Variants in PCDHGA1 observed in about 807,000 individuals in gnomAD.
PCDHGA1 encodes the protein protocadherin gamma-A1.
In PCDHGA1, 32 loss-of-function variants were observed where a neutral mutation model predicts 58.0. The observed-to-expected ratio is 0.55, with a 90% CI of 0.42 to 0.74. PCDHGA1 has a LOEUF of 0.74. Among genes scored for constraint, PCDHGA1 ranks in the 30% least tolerant of loss-of-function variants. The pLI is 0.00. For synonymous variants in PCDHGA1, 498 were observed against 501.1 expected, an observed-to-expected ratio of 0.99 and a Z score of 0.08; for missense variants, 1,205 against 1,182.3, an observed-to-expected ratio of 1.02 and a Z score of -0.28.
At chr5:141,346,685 G>A (rs980687326) in intron 1 of PCDHGA1, among the ~76,000 whole-genome samples, 8 of 152,170 alleles carry the variant, frequency 5.3e-5, no homozygotes, top group Admixed American at 1.3e-4. Context: ...TGAAAGTAAA[G>A]TGTCACTTCC....
In PCDHGA1 at chr5:141,404,943, TAGCTGAC is replaced by T. The variant is rs770372146; in HGVS notation, c.2421+71842_2421+71848del. On this transcript the variant is annotated intron_variant, in intron 1 of 3. Transcript: ENST00000517417. ...GCCACTGTCACGCTCACAGTAGCCA[TAGCTGAC>T]AGCATCCCAGACATCCTGGCTGACC... 24 of 1,613,914 alleles carry T rather than the reference TAGCTGAC, an allele frequency of 1.5e-5. No individual in the cohort carries two copies. In the East Asian group the frequency reaches 4.0e-4, roughly 27 times the overall value.
chr5:141,443,308 C>T (rs1484035480), intron 1 of PCDHGA1, among the ~76,000 whole-genome samples: 7 of 136,252 alleles, frequency 5.1e-5, no homozygotes, highest in African/African-American at 2.2e-4. Context: ...TGGCAAAAAC[C>T]CATCTCTACA....
chr5:141,368,191 A>G (rs1765525656), intron 1 of PCDHGA1, among the ~76,000 whole-genome samples: 1 of 152,206 alleles, frequency 6.6e-6, no homozygotes, highest in Admixed American at 6.5e-5. Flanking sequence ...AAATAAGGGG[A>G]AAAGGTAATA....
chr5:141,365,797 C>T (rs376466748), intron 1 of PCDHGA1: 1 of 1,613,978 alleles, frequency 6.2e-7, no homozygotes, highest in Non-Finnish European at 8.5e-7. Context: ...GAGTCACCTA[C>T]TCCCTGGCTG....
intron 1 of PCDHGA1, among the ~76,000 whole-genome samples, chr5:141,434,384 G>T (rs980455943): frequency 2.6e-5 from 4 of 152,208 alleles, no homozygotes; most frequent in African/African-American, 4.8e-5. Context: ...CCCAAAACTG[G>T]CCATAAACAA....
At position 141,511,127 on chromosome 5, in the gene PCDHGA1, G is replaced by C; in HGVS notation, c.2750G>C (p.Gly917Ala). 1 of 1,614,194 alleles carries C rather than the reference G, an allele frequency of 6.2e-7. No individual in the cohort carries two copies. Among genetic ancestry groups the C allele is most frequent in the Non-Finnish European group, 8.5e-7 (1 of 1,180,018 alleles). The change falls in exon 4 of 4, where the codon GGT becomes GCT. Residue 917 changes from glycine to alanine, a missense_variant. Coordinates refer to ENST00000517417, the MANE Select transcript of PCDHGA1 (RefSeq NM_018912.3). ...AGKRDGKAPA[G>A]GNGNKKKSGK... ...AAGCGGGATGGCAAGGCCCCAGCAG[G>C]TGGCAATGGCAACAAGAAGAAGTCG...
intron 1 of PCDHGA1, chr5:141,382,975 G>A (rs1459980689): frequency 6.2e-7 from 1 of 1,610,700 alleles, no homozygotes. Flanking sequence ...CCCCTGGGAA[G>A]CCTGGGCAGG....
Position 141,490,440 on chromosome 5 carries a change from T to G in PCDHGA1, c.2422-4367T>G, listed in dbSNP as rs560525159. The G allele has an allele frequency of 6.2e-7, 1 of 1,614,206 alleles. No individual in the cohort carries two copies. The highest frequency in any genetic ancestry group is 1.7e-5 in the Admixed American group (1 of 60,026). On this transcript the variant is annotated intron_variant, in intron 1 of 3. Transcript: ENST00000517417. This position sits in a 1 kb window ranked among gnomAD's most constrained non-coding sequence, Gnocchi z 5.4. ...ACCTGCCATTTCAGATTAAGCCTTCTGAGAACCACTACTCGCTGCTAACCA... is the reference window on the plus strand; with the variant it reads ...ACCTGCCATTTCAGATTAAGCCTTCGGAGAACCACTACTCGCTGCTAACCA...
At chr5:141,357,136 G>C (rs779756612) in intron 1 of PCDHGA1, 1 of 1,613,540 alleles carries the variant, frequency 6.2e-7, no homozygotes, top group South Asian at 1.1e-5. Flanking sequence ...TGTAGTGGTC[G>C]TCCAGGACCA....
In PCDHGA1 at chr5:141,490,858, G is replaced by C. The variant is rs775132338; in HGVS notation, c.2422-3949G>C. On this transcript the variant is annotated intron_variant, in intron 1 of 3. Coordinates refer to ENST00000517417, the MANE Select transcript of PCDHGA1 (RefSeq NM_018912.3). The surrounding 1 kb of genome is among the most constrained non-coding windows in gnomAD (Gnocchi z 5.4). ...GATTGTGGTGGGGGTTCGAGACTCC[G>C]GCTCTCCCCCATTGCATGCCAACAC... The C allele has an allele frequency of 1.5e-5, 24 of 1,613,704 alleles. 1 individual carries two copies. Among genetic ancestry groups the C allele is most frequent in the Non-Finnish European group, 2.0e-5 (24 of 1,179,918 alleles).
Position 141,505,420 on chromosome 5 carries a change from C to G in PCDHGA1, c.2508C>G (p.Thr836=), listed in dbSNP as rs1236398971. 6.2e-7 allele frequency: 1 copy of G among 1,614,102 alleles called. No individual in the cohort carries two copies. Among genetic ancestry groups the G allele is most frequent in the Non-Finnish European group, 8.5e-7 (1 of 1,180,034 alleles). ...SGSQNGDDTG[T]WPNNQFDTEM... is the part of the protein sequence containing the mutation. ...CCCAAAATGGCGATGACACCGGCACCTGGCCCAACAACCAGTTTGACACAG... is the reference window on the plus strand; with the variant it reads ...CCCAAAATGGCGATGACACCGGCACGTGGCCCAACAACCAGTTTGACACAG... The change falls in exon 3 of 4, where the codon ACC becomes ACG. Residue 836 remains threonine (T), a synonymous_variant. Coordinates refer to ENST00000517417, the MANE Select transcript of PCDHGA1 (RefSeq NM_018912.3).
intron 1 of PCDHGA1, among the ~76,000 whole-genome samples, chr5:141,387,541 T>C (rs1198504274): frequency 6.6e-6 from 1 of 152,252 alleles, no homozygotes; most frequent in Non-Finnish European, 1.5e-5. Flanking sequence ...CACGTAGTTT[T>C]TGTTCTTTCA....
At chr5:141,430,551 C>T (rs2097292247) in intron 1 of PCDHGA1, 2 of 406,412 alleles carry the variant, frequency 4.9e-6, no homozygotes, top group Admixed American at 4.1e-5. Context: ...CCGCTGTTCA[C>T]CAATCGGGGA....
At chr5:141,399,362 C>G (rs182743080) in intron 1 of PCDHGA1, 1 of 1,613,872 alleles carries the variant, frequency 6.2e-7, no homozygotes, top group Non-Finnish European at 8.5e-7. Context: ...GAGCAAACCC[C>G]GGAGTACAAT....
At chr5:141,469,259 A>G (rs1263722797) in intron 1 of PCDHGA1, among the ~76,000 whole-genome samples, 1 of 151,822 alleles carries the variant, frequency 6.6e-6, no homozygotes, top group Admixed American at 6.6e-5. Flanking sequence ...CTTGGGCAAC[A>G]GAGCAAGACC....
At chr5:141,374,245 G>A (rs1460959579) in intron 1 of PCDHGA1, 2 of 1,613,980 alleles carry the variant, frequency 1.2e-6, no homozygotes, top group Non-Finnish European at 1.7e-6. Context: ...ATCTGGGACT[G>A]GAGCCCCAGG....
At chr5:141,375,758 G>A in intron 1 of PCDHGA1, 1 of 1,614,230 alleles carries the variant, frequency 6.2e-7, no homozygotes. Context: ...GAATGACAAT[G>A]CGCCCGAGAT....
At position 141,477,368 on chromosome 5, in the gene PCDHGA1, G is replaced by A; in HGVS notation, c.2422-17439G>A. Reference sequence around the variant, plus strand: ...GAAAACCAGTGCAGACCTGGATCGGGAGACTGTGCCAGAATACAACCTCAG... The same window carrying A: ...GAAAACCAGTGCAGACCTGGATCGGAAGACTGTGCCAGAATACAACCTCAG... On this transcript the variant is annotated intron_variant, in intron 1 of 3. Coordinates refer to ENST00000517417, the MANE Select transcript of PCDHGA1 (RefSeq NM_018912.3). The surrounding 1 kb of genome is among the most constrained non-coding windows in gnomAD (Gnocchi z 4.9). 6.2e-7 allele frequency: 1 copy of A among 1,614,132 alleles called. No individual in the cohort carries two copies. Among genetic ancestry groups the A allele is most frequent in the Non-Finnish European group, 8.5e-7 (1 of 1,180,024 alleles).
intron 1 of PCDHGA1, chr5:141,360,473 C>T: frequency 6.2e-7 from 1 of 1,613,878 alleles, no homozygotes; most frequent in Non-Finnish European, 8.5e-7. Flanking sequence ...GCTGAAAATC[C>T]ACTAAATATT....
Sources: allele counts gnomAD v4.1 joint callset (sites outside exome capture counted in the v4.1 genomes callset), GRCh38; gene constraint gnomAD v4.1.1; non-coding constraint Gnocchi (gnomAD v3.1); transcripts MANE v1.5; gene names NCBI Gene and HGNC (gene_info 2026-07-23, HGNC 2026-07-21).